Variants in FER1L6 observed in about 807,000 individuals in gnomAD.
FER1L6 encodes the protein fer-1-like protein 6.
FER1L6 carries 177 observed loss-of-function variants against 219.2 expected under a neutral mutation model. The ratio of observed to expected loss-of-function variants is 0.81; its 90% confidence interval spans 0.71 to 0.91. FER1L6 has a LOEUF of 0.91. Ranked by LOEUF, FER1L6 falls within the 40% of genes least tolerant of loss-of-function variation. The probability of loss-of-function intolerance (pLI) is 0.00; values close to 1 mark genes in which losing one functional copy is unlikely to be tolerated. For synonymous variants in FER1L6, 768 were observed against 824.3 expected, an observed-to-expected ratio of 0.93 and a Z score of 1.17; for missense variants, 2,153 against 2,259.9, an observed-to-expected ratio of 0.95 and a Z score of 0.96.
intron 2 of FER1L6, among the ~76,000 whole-genome samples, chr8:123,960,097 A>T (rs190033286): frequency 6.6e-6 from 1 of 152,130 alleles, no homozygotes; most frequent in Non-Finnish European, 1.5e-5. Flanking sequence ...CCTAACCTGT[A>T]GGGGGGTAAA....
intron 35 of FER1L6, among the ~76,000 whole-genome samples, chr8:124,096,733 C>T (rs1822311333): frequency 6.6e-6 from 1 of 152,084 alleles, no homozygotes; most frequent in Non-Finnish European, 1.5e-5. Context: ...CTGGGGTGAA[C>T]ATTAACAGAG....
At chr8:123,997,119 G>A (rs1179694819) in intron 12 of FER1L6, among the ~76,000 whole-genome samples, 1 of 152,104 alleles carries the variant, frequency 6.6e-6, no homozygotes, top group Non-Finnish European at 1.5e-5. Flanking sequence ...ACCTTCAGAT[G>A]ATTTCTTGTT....
intron 22 of FER1L6, chr8:124,059,084 C>G (rs1046650409): frequency 6.6e-6 from 1 of 152,202 alleles, no homozygotes; most frequent in South Asian, 2.1e-4. Context: ...CGGTAAACAT[C>G]TATCAAGAAC....
intron 2 of FER1L6, among the ~76,000 whole-genome samples, chr8:123,958,029 G>A (rs1199504255): frequency 6.6e-6 from 1 of 152,192 alleles, no homozygotes; most frequent in Non-Finnish European, 1.5e-5. Context: ...TTGAGGCATT[G>A]TAGTTACATC....
rs138377345 is a variant in FER1L6 at position 123,890,086 on chromosome 8, T to C, written c.-8+37901T>C. Among the ~76,000 whole-genome samples the C allele has an allele frequency of 1.4e-3, 217 of 152,258 alleles. 1 individual carries two copies. The highest frequency in any genetic ancestry group is 5.2e-3 in the African/African-American group (216 of 41,570). On this transcript the variant is annotated intron_variant, in intron 1 of 40. Coordinates refer to ENST00000522917, the MANE Select transcript of FER1L6 (RefSeq NM_001039112.2). Reference sequence around the variant, plus strand: ...AATTGAGAAAGATTCTTTTTTAATATAGTTAAGCATGAGGTCAGATTTAAC... The same window carrying C: ...AATTGAGAAAGATTCTTTTTTAATACAGTTAAGCATGAGGTCAGATTTAAC...
chr8:124,114,895 G>GTGTGTATA (rs368797867), intron 39 of FER1L6, among the ~76,000 whole-genome samples: 1 of 90,050 alleles, frequency 1.1e-5, no homozygotes, highest in African/African-American at 3.9e-5. Context: ...GTGTGTGTGC[G>GTGTGTATA]TATATATATA....
chr8:124,067,006 ATAAGTGGGTT>A, intron 27 of FER1L6, among the ~76,000 whole-genome samples: 1 of 152,324 alleles, frequency 6.6e-6, no homozygotes, highest in South Asian at 2.1e-4. Context: ...AAATGGTATT[ATAAGTGGGTT>A]TACATAGCAA....
intron 33 of FER1L6, among the ~76,000 whole-genome samples, chr8:124,087,346 TA>T (rs1821826223): frequency 6.6e-6 from 1 of 152,136 alleles, no homozygotes. Context: ...TCTGCTTGAT[TA>T]ATTCTGCTGT....
intron 5 of FER1L6, among the ~76,000 whole-genome samples, chr8:123,967,173 CT>C (rs1158905010): frequency 2.6e-5 from 4 of 151,942 alleles, no homozygotes; most frequent in African/African-American, 9.7e-5. Context: ...TCCCTCTGAT[CT>C]TTGATCCCCA....
At chr8:123,890,598 T>C (rs1197076169) in intron 1 of FER1L6, among the ~76,000 whole-genome samples, 1 of 149,430 alleles carries the variant, frequency 6.7e-6, no homozygotes, top group Non-Finnish European at 1.5e-5. Flanking sequence ...CAAAAATTGA[T>C]AGAGCACACT....
chr8:124,091,704 C>A (rs1273429872), intron 34 of FER1L6, 121 bp downstream of exon 34: 7 of 1,034,482 alleles, frequency 6.8e-6, no homozygotes, highest in Non-Finnish European at 8.5e-6. Flanking sequence ...CAGTGGCTCA[C>A]GTCTGTAATC....
chr8:123,946,450 T>C (rs912148043), intron 1 of FER1L6, among the ~76,000 whole-genome samples: 1 of 152,054 alleles, frequency 6.6e-6, no homozygotes, highest in Non-Finnish European at 1.5e-5. Context: ...GACAGGGTTT[T>C]GCCATGTTGG....
At chr8:124,102,289 A>T (rs1822579182) in intron 38 of FER1L6, among the ~76,000 whole-genome samples, 2 of 152,196 alleles carry the variant, frequency 1.3e-5, no homozygotes, top group Admixed American at 1.3e-4. Context: ...TTTGGCTTAC[A>T]CACTCAAGTG....
At chr8:124,028,617 C>T (rs1818821159) in intron 18 of FER1L6, among the ~76,000 whole-genome samples, 1 of 152,144 alleles carries the variant, frequency 6.6e-6, no homozygotes, top group Non-Finnish European at 1.5e-5. Flanking sequence ...TTCTGTAGAG[C>T]TGCTGTTCTT....
chr8:123,975,103 G>A, intron 7 of FER1L6, 47 bp from the exon 8 acceptor site: 3 of 1,494,950 alleles, frequency 2.0e-6, no homozygotes, highest in Non-Finnish European at 2.7e-6. Flanking sequence ...GGGTGGGGCT[G>A]CTGGGCCCAT....
intron 12 of FER1L6, among the ~76,000 whole-genome samples, chr8:123,996,113 A>C (rs573524720): frequency 1.3e-4 from 20 of 152,296 alleles, no homozygotes; most frequent in African/African-American, 3.4e-4. Flanking sequence ...TGTGCTGAGA[A>C]GAATGTGTAT....
chr8:123,930,861 A>G (rs1364134832), intron 1 of FER1L6, among the ~76,000 whole-genome samples: 2 of 152,234 alleles, frequency 1.3e-5, no homozygotes, highest in Non-Finnish European at 2.9e-5. Context: ...ATGACTTGGG[A>G]TGGAGATCAC....
At chr8:123,856,049 T>TACATATGTATATGAGATATATGTATAC (rs1816634658) in intron 1 of FER1L6, among the ~76,000 whole-genome samples, 1 of 137,146 alleles carries the variant, frequency 7.3e-6, no homozygotes, top group Non-Finnish European at 1.6e-5. Flanking sequence ...TATATGTATA[T>TACATATGTATATGAGATATATGTATAC]ACATATGTGT....
chr8:123,944,288 T>C (rs1814386517), intron 1 of FER1L6, among the ~76,000 whole-genome samples: 1 of 148,632 alleles, frequency 6.7e-6, no homozygotes, highest in Non-Finnish European at 1.5e-5. Context: ...CATCTTATTA[T>C]ATATATTATA....
Sources: allele counts gnomAD v4.1 joint callset (sites outside exome capture counted in the v4.1 genomes callset), GRCh38; gene constraint gnomAD v4.1.1; transcripts MANE v1.5; gene names NCBI Gene and HGNC (gene_info 2026-07-23, HGNC 2026-07-21).